METTL25: variants seen among roughly 807,000 people sequenced by gnomAD.
The protein encoded by METTL25 is methyltransferase like 25.
Under a neutral mutation model 71.6 loss-of-function variants are expected in METTL25, and 64 were observed. The ratio of observed to expected loss-of-function variants is 0.89; its 90% confidence interval spans 0.73 to 1.10. The LOEUF is 1.10. METTL25 is among the 50% of genes least tolerant of loss of function. METTL25 has a pLI of 0.00. For synonymous variants in METTL25, 287 were observed against 250.3 expected (o/e 1.15, Z -1.38); for missense variants, 807 against 707.0 (o/e 1.14, Z -1.60).
chr12:82,430,965 A>G lies in METTL25; in HGVS notation c.1352A>G (p.Asn451Ser). Reference protein sequence around the residue: ...LKEERWCCGRNARMSACLALE... With the variant: ...LKEERWCCGRSARMSACLALE... Reference sequence around the variant, plus strand: ...GAAGAGAGATGGTGCTGTGGTCGTAATGCCAGAATGTCAGCATGTTTGGTA... The same window carrying G: ...GAAGAGAGATGGTGCTGTGGTCGTAGTGCCAGAATGTCAGCATGTTTGGTA... Residue 451 changes from asparagine to serine, a missense_variant, in exon 6 of 12, where the codon AAT becomes AGT. Asn to Ser is a conservative substitution (Grantham distance 46). Transcript: ENST00000248306. 3.1e-6 allele frequency: 5 copies of G among 1,597,160 alleles called. No individual in the cohort carries two copies. Among genetic ancestry groups the G allele is most frequent in the Non-Finnish European group, 3.4e-6 (4 of 1,169,300 alleles).
chr12:82,420,949 C>T (rs1888427398), intron 5 of METTL25, among the ~76,000 whole-genome samples: 1 of 151,974 alleles, frequency 6.6e-6, no homozygotes, highest in Non-Finnish European at 1.5e-5. Flanking sequence ...TCCACCTCTG[C>T]CTCCTAGGTT....
chr12:82,461,529 A>G (rs776745508), intron 9 of METTL25, among the ~76,000 whole-genome samples: 7 of 152,174 alleles, frequency 4.6e-5, no homozygotes, highest in South Asian at 2.1e-4. Flanking sequence ...TGTCATACTT[A>G]TATAACTTAT....
Position 82,452,170 on chromosome 12 carries a change from A to G in METTL25, c.1479-4557A>G, listed in dbSNP as rs142580755. Among the ~76,000 whole-genome samples the G allele has an allele frequency of 2.6e-3, 389 of 152,314 alleles. 2 individuals are homozygous for G. Among genetic ancestry groups the G allele is most frequent in the African/African-American group, 8.8e-3 (367 of 41,578 alleles). ...ATAAATGATACTCTCAAGAAACTGT[A>G]AAGATTTTTGTGAATTTTCTTTTAT... On this transcript the variant is annotated intron_variant, in intron 8 of 11. Coordinates refer to ENST00000248306, the MANE Select transcript of METTL25 (RefSeq NM_032230.3).
At chr12:82,409,978 T>A (rs1162011590) in intron 5 of METTL25, among the ~76,000 whole-genome samples, 3 of 152,018 alleles carry the variant, frequency 2.0e-5, no homozygotes, top group African/African-American at 7.2e-5. Context: ...CTGGAAATTG[T>A]GAGGGAGAAG....
intron 9 of METTL25, among the ~76,000 whole-genome samples, chr12:82,460,513 A>G (rs369143866): frequency 6.6e-6 from 1 of 152,316 alleles, no homozygotes; most frequent in African/African-American, 2.4e-5. Flanking sequence ...TGTTGCTAGT[A>G]TGTACTCTTG....
intron 1 of METTL25, among the ~76,000 whole-genome samples, chr12:82,371,917 G>A (rs1452209046): frequency 2.0e-5 from 3 of 152,038 alleles, no homozygotes; most frequent in African/African-American, 4.8e-5. Flanking sequence ...AGATGTTTAC[G>A]ACTCCAGTCC....
intron 1 of METTL25, among the ~76,000 whole-genome samples, chr12:82,379,730 A>T (rs1278009186): frequency 6.6e-6 from 1 of 152,202 alleles, no homozygotes. Flanking sequence ...GCCCAGTGCT[A>T]ACCAGTGGAT....
intron 9 of METTL25, among the ~76,000 whole-genome samples, chr12:82,469,563 C>A (rs1892449318): frequency 6.6e-6 from 1 of 151,942 alleles, no homozygotes; most frequent in Non-Finnish European, 1.5e-5. Context: ...TACCTCCCAC[C>A]AGGTCCCTCC....
intron 1 of METTL25, among the ~76,000 whole-genome samples, chr12:82,383,882 A>T (rs1443706431): frequency 3.3e-5 from 5 of 152,074 alleles, no homozygotes; most frequent in Non-Finnish European, 5.9e-5. Flanking sequence ...AAATAAACTG[A>T]GATATATCCT....
At chr12:82,443,928 A>G (rs1156895818) in intron 8 of METTL25, among the ~76,000 whole-genome samples, 2 of 152,172 alleles carry the variant, frequency 1.3e-5, no homozygotes, top group Non-Finnish European at 2.9e-5. Flanking sequence ...TTGGGGATCA[A>G]ATTTCAACAT....
chr12:82,403,979 A>G (rs1037135572), intron 5 of METTL25, among the ~76,000 whole-genome samples: 1 of 152,140 alleles, frequency 6.6e-6, no homozygotes, highest in African/African-American at 2.4e-5. Flanking sequence ...ATCTTTTCTT[A>G]GTTTTAAAAC....
At chr12:82,358,962 G>A in intron 1 of METTL25, 138 bp downstream of exon 1, 1 of 983,982 alleles carries the variant, frequency 1.0e-6, no homozygotes, top group South Asian at 1.5e-5. Context: ...AACCGAGGAG[G>A]GGTCGGATTA....
At chr12:82,442,771 T>C (rs966494147) in intron 8 of METTL25, among the ~76,000 whole-genome samples, 5 of 152,142 alleles carry the variant, frequency 3.3e-5, no homozygotes, top group African/African-American at 7.2e-5. Context: ...TTTATAATTA[T>C]TTTAAAATTG....
intron 5 of METTL25, among the ~76,000 whole-genome samples, chr12:82,409,329 C>A (rs1200036739): frequency 6.6e-6 from 1 of 152,066 alleles, no homozygotes; most frequent in Non-Finnish European, 1.5e-5. Context: ...TATAGAGTGT[C>A]TGTTTGGCCA....
chr12:82,472,845 A>T (rs538046405), intron 9 of METTL25, among the ~76,000 whole-genome samples: 1 of 152,148 alleles, frequency 6.6e-6, no homozygotes, highest in South Asian at 2.1e-4. Context: ...CTACTAGAGG[A>T]TTACTGTGTT....
chr12:82,386,112 C>T (rs193276658), intron 1 of METTL25, among the ~76,000 whole-genome samples: 38 of 152,186 alleles, frequency 2.5e-4, no homozygotes, highest in African/African-American at 7.2e-4. Context: ...TAAAACTGGC[C>T]ATGGGAAGAA....
intron 4 of METTL25, among the ~76,000 whole-genome samples, chr12:82,400,300 C>G (rs1018132793): frequency 6.6e-6 from 1 of 151,452 alleles, no homozygotes; most frequent in Non-Finnish European, 1.5e-5. Context: ...CCACTGCACT[C>G]TAGCCTGGGT....
chr12:82,386,897 A>G lies in METTL25; in HGVS notation c.354A>G (p.Gln118=), dbSNP rs56337649. 56,625 of 1,613,230 alleles carry G rather than the reference A, an allele frequency of 0.035. 1,099 individuals carry two copies. The highest frequency in any genetic ancestry group is 0.045 in the Middle Eastern group (274 of 6,054). The change falls in exon 2 of 12, where the codon CAA becomes CAG. Residue 118 remains glutamine, a synonymous_variant. Transcript: ENST00000248306. ...FALAAKYYSV[Q]NLGICTPFEQ... ...TGGCTGCGAAATACTATTCTGTACA[A>G]AACTTGGGAATATGTACTCCTTTTG...
rs1893057906 is a variant in METTL25 at position 82,479,176 on chromosome 12, A to G, written c.*152A>G. On this transcript the variant is annotated 3_prime_UTR_variant, in exon 12 of 12. Coordinates refer to ENST00000248306, the MANE Select transcript of METTL25 (RefSeq NM_032230.3). Reference sequence around the variant, plus strand: ...ATAATGGCTAACAACAGAAGGTTATAATCCATTTTTCCATTGTCAAAGCAT... The same window carrying G: ...ATAATGGCTAACAACAGAAGGTTATGATCCATTTTTCCATTGTCAAAGCAT... 3 of 548,788 alleles carry G rather than the reference A, an allele frequency of 5.5e-6. No homozygotes were observed. The highest frequency in any genetic ancestry group is 9.6e-6 in the Non-Finnish European group (3 of 311,582). 34.0% of individuals were successfully genotyped at this position (548,788 alleles called of 1,614,324 possible).
Sources: gnomAD v4.1 joint callset for allele counts (sites outside exome capture counted in the v4.1 genomes callset) on GRCh38, gnomAD v4.1.1 for gene constraint, MANE v1.5 for transcripts, NCBI Gene and HGNC (gene_info 2026-07-23, HGNC 2026-07-21) for gene names.